CLUL1: variants seen among roughly 807,000 people sequenced by gnomAD.
The protein encoded by CLUL1 is clusterin-like protein 1.
Under a neutral mutation model 49.4 loss-of-function variants are expected in CLUL1, and 43 were observed. The observed-to-expected ratio is 0.87, with a 90% CI of 0.68 to 1.12. CLUL1 has a LOEUF of 1.12. Among genes scored for constraint, CLUL1 ranks in the 50% most tolerant of loss-of-function variants. The pLI is 0.00. For synonymous variants in CLUL1, 192 were observed against 184.9 expected (o/e 1.04, Z -0.31); for missense variants, 486 against 544.4 (o/e 0.89, Z 1.07).
chr18:627,597 A>C, intron 6 of CLUL1, 68 bp downstream of exon 6: 2 of 1,090,612 alleles, frequency 1.8e-6, no homozygotes, highest in Non-Finnish European at 2.6e-6. Flanking sequence ...AGCTTCAGAA[A>C]TGGTAGACAT....
intron 9 of CLUL1, among the ~76,000 whole-genome samples, chr18:649,297 A>G (rs2074606233): frequency 6.6e-6 from 1 of 152,192 alleles, no homozygotes; most frequent in Admixed American, 6.5e-5. Flanking sequence ...TGAAACATGA[A>G]TTCCAATTTT....
chr18:636,027 G>T (rs914556072), intron 7 of CLUL1, among the ~76,000 whole-genome samples: 4 of 152,062 alleles, frequency 2.6e-5, no homozygotes. Context: ...GAGCCATCGC[G>T]CCTGGCCAAC....
intron 6 of CLUL1, among the ~76,000 whole-genome samples, chr18:629,399 C>G (rs1567969243): frequency 6.6e-6 from 1 of 152,240 alleles, no homozygotes; most frequent in East Asian, 1.9e-4. Context: ...CTCCTCCCCT[C>G]CATGTTGTGT....
chr18:635,181 A>G (rs1389230271), intron 7 of CLUL1, among the ~76,000 whole-genome samples: 3 of 152,228 alleles, frequency 2.0e-5, no homozygotes, highest in African/African-American at 7.2e-5. Context: ...AGTGGTCCCC[A>G]GCCTTCTGGC....
intron 9 of CLUL1, among the ~76,000 whole-genome samples, chr18:648,301 G>C (rs1042127390): frequency 3.3e-5 from 5 of 152,194 alleles, no homozygotes; most frequent in African/African-American, 1.2e-4. Flanking sequence ...TTAAGATACT[G>C]AGTAATTGGG....
In CLUL1 at chr18:633,450, T is replaced by C. The variant is rs1338618396; in HGVS notation, c.994+15T>C. The C allele has an allele frequency of 3.1e-6, 5 of 1,607,254 alleles. No homozygotes were observed. In the East Asian group the frequency reaches 6.7e-5, roughly 22 times the overall value. ...CCTATCTGAAGGTAAATAATTGCTA[T>C]TTTGTTTTTTATTCTACTTTAAGTT... On this transcript the variant is annotated intron_variant, in intron 7 of 9. Coordinates refer to ENST00000692774, the MANE Select transcript of CLUL1 (RefSeq NM_001393344.1).
At chr18:642,981 G>C (rs1347043150) in intron 8 of CLUL1, among the ~76,000 whole-genome samples, 1 of 152,098 alleles carries the variant, frequency 6.6e-6, no homozygotes, top group Non-Finnish European at 1.5e-5. Flanking sequence ...AGAATCTCAG[G>C]CACTGCTTCT....
intron 2 of CLUL1, among the ~76,000 whole-genome samples, chr18:607,500 C>T (rs753669297): frequency 3.5e-4 from 54 of 152,180 alleles, no homozygotes; most frequent in Non-Finnish European, 2.6e-4. Flanking sequence ...GTGGTGCAAT[C>T]ACGATTCAGT....
chr18:640,136 A>T (rs1167093566), intron 7 of CLUL1, among the ~76,000 whole-genome samples: 1 of 152,134 alleles, frequency 6.6e-6, no homozygotes, highest in Non-Finnish European at 1.5e-5. Flanking sequence ...CCAACAAAGG[A>T]TCTCTTCCCT....
At chr18:641,874 G>T (rs572739359) in intron 8 of CLUL1, among the ~76,000 whole-genome samples, 1 of 152,276 alleles carries the variant, frequency 6.6e-6, no homozygotes, top group East Asian at 1.9e-4. Flanking sequence ...TACAAATAAA[G>T]CAATTTGAGT....
chr18:626,926 AGAAG>A (rs1214079489), intron 5 of CLUL1, among the ~76,000 whole-genome samples, 167 bp from the exon 6 acceptor site: 456 of 1,778 alleles, frequency 0.26, 121 homozygotes, highest in Non-Finnish European at 0.49. Context: ...AAAGAAAGAA[AGAAG>A]GAAAGAAGGA....
chr18:633,485 A>G, intron 7 of CLUL1, 50 bp downstream of exon 7: 1 of 1,523,004 alleles, frequency 6.6e-7, no homozygotes, highest in Middle Eastern at 1.7e-4. Flanking sequence ...TCTCAGGTAC[A>G]TTTTGTTATA....
chr18:641,353 A>G lies in CLUL1; in HGVS notation c.1021A>G (p.Thr341Ala). The G allele has an allele frequency of 6.2e-7, 1 of 1,614,160 alleles. No homozygotes were observed. Among genetic ancestry groups the G allele is most frequent in the Non-Finnish European group, 8.5e-7 (1 of 1,180,026 alleles). The change falls in exon 8 of 10, where the codon ACA becomes GCA. Residue 341 changes from threonine to alanine, a missense_variant. Transcript: ENST00000692774. ...CTGTCCTGATGTACCTGCTCTGCACACAGAATTAGACGAGGCGATCAGGTT... is the reference window on the plus strand; with the variant it reads ...CTGTCCTGATGTACCTGCTCTGCACGCAGAATTAGACGAGGCGATCAGGTT... Reference protein sequence around the residue: ...EDCPDVPALHTELDEAIRLVN... With the variant: ...EDCPDVPALHAELDEAIRLVN...
At chr18:630,045 T>C (rs752446334) in intron 6 of CLUL1, among the ~76,000 whole-genome samples, 17 of 152,130 alleles carry the variant, frequency 1.1e-4, no homozygotes, top group Non-Finnish European at 4.4e-5. Context: ...TGAATTTATG[T>C]TATGTGGCAA....
At chr18:647,961 G>A (rs11872762) in intron 9 of CLUL1, among the ~76,000 whole-genome samples, 2 of 152,052 alleles carry the variant, frequency 1.3e-5, no homozygotes, top group African/African-American at 4.8e-5. Flanking sequence ...TGGGGACTTA[G>A]GACTCTGCCT....
intron 2 of CLUL1, among the ~76,000 whole-genome samples, chr18:608,602 C>A (rs779646953): frequency 2.0e-5 from 3 of 152,182 alleles, no homozygotes; most frequent in Non-Finnish European, 4.4e-5. Context: ...CCTGTAGTCT[C>A]AGTGCTTTAG....
In CLUL1 at chr18:606,690, A is replaced by G. The variant is rs1598409484; in HGVS notation, c.-135-288A>G. 6.6e-6 allele frequency among the ~76,000 whole-genome samples: 1 copy of G among 152,328 alleles called. No individual in the cohort carries two copies. The highest frequency in any genetic ancestry group is 1.9e-4 in the East Asian group (1 of 5,186). On this transcript the variant is annotated intron_variant, in intron 1 of 9. Coordinates refer to ENST00000692774, the MANE Select transcript of CLUL1 (RefSeq NM_001393344.1). The surrounding 1 kb of genome is among the most constrained non-coding windows in gnomAD (Gnocchi z 4.1). ...AAGGCTATTGGAGTCTTCTCAAATG[A>G]AAGAGATTTTATCAAAGGCTTGGAG... is the stretch of plus-strand genomic sequence containing the variant.
In CLUL1 at chr18:640,998, G is replaced by A. The variant is rs545434869; in HGVS notation, c.995-329G>A. On this transcript the variant is annotated intron_variant, in intron 7 of 9. Coordinates refer to ENST00000692774, the MANE Select transcript of CLUL1 (RefSeq NM_001393344.1). ...GTCCTTTTTAAGGGATAAATGGGAT[G>A]TGATGTAGAAGGGGCATAGTAGGGA... 7.2e-5 allele frequency among the ~76,000 whole-genome samples: 11 copies of A among 152,282 alleles called. No homozygotes were observed. In the South Asian group the frequency reaches 2.3e-3, roughly 32 times the overall value.
At position 625,040 on chromosome 18, in the gene CLUL1, A is replaced by G; in HGVS notation, c.423+8A>G. The stretch of plus-strand genomic sequence containing the variant: ...TCCTCTGTGAAAAATAAGGTAAGAG[A>G]AAAAGAGAGCTCAAGATTTCACAGT... On this transcript the variant is annotated splice_region_variant and intron_variant, in intron 5 of 9. Transcript: ENST00000692774. 1 of 1,613,326 alleles carries G rather than the reference A, an allele frequency of 6.2e-7. No individual in the cohort carries two copies. Among genetic ancestry groups the G allele is most frequent in the Non-Finnish European group, 8.5e-7 (1 of 1,179,664 alleles).
Sources: gnomAD v4.1 joint callset for allele counts (sites outside exome capture counted in the v4.1 genomes callset) on GRCh38, gnomAD v4.1.1 for gene constraint, Gnocchi (gnomAD v3.1) non-coding constraint, MANE v1.5 for transcripts, NCBI Gene and HGNC (gene_info 2026-07-23, HGNC 2026-07-21) for gene names.